The following STIMATE variants were observed in gnomAD, a reference collection of about 807,000 sequenced individuals.
STIMATE encodes the protein STIM activating enhancer, also known as store-operated calcium entry regulator STIMATE.
Under a neutral mutation model 36.7 loss-of-function variants are expected in STIMATE, and 15 were observed. That is an observed-to-expected ratio of 0.41 (90% CI 0.27 to 0.63). The LOEUF (loss-of-function observed/expected upper bound fraction) is 0.63, where lower values mean the gene tolerates loss of function less well. Ranked by LOEUF, STIMATE falls within the 20% of genes least tolerant of loss-of-function variation. The probability of loss-of-function intolerance (pLI) is 0.32; values close to 1 mark genes in which losing one functional copy is unlikely to be tolerated. For synonymous variants in STIMATE, 163 were observed against 162.3 expected, an observed-to-expected ratio of 1.00 and a Z score of -0.03; for missense variants, 305 against 397.3, an observed-to-expected ratio of 0.77 and a Z score of 1.98.
chr3:52,890,454 C>T (rs960306871), intron 1 of STIMATE, among the ~76,000 whole-genome samples: 10 of 152,212 alleles, frequency 6.6e-5, no homozygotes, highest in African/African-American at 1.9e-4. Context: ...TTGGCAATGT[C>T]GGGAGACATT....
At chr3:52,870,717 C>G (rs1305861903) in intron 1 of STIMATE, among the ~76,000 whole-genome samples, 1 of 152,142 alleles carries the variant, frequency 6.6e-6, no homozygotes, top group Non-Finnish European at 1.5e-5. Flanking sequence ...TCTTCTTCTC[C>G]CGCCTCACCA....
chr3:52,850,661 A>G (rs1700982371), intron 3 of STIMATE, among the ~76,000 whole-genome samples: 1 of 152,232 alleles, frequency 6.6e-6, no homozygotes, highest in Admixed American at 6.5e-5. Context: ...GGTTTCGCAG[A>G]CAAAGAGGAC....
rs1439980358 is a variant in STIMATE, at chr3:52,849,774, G to A, written c.427+18C>T. The A allele has an allele frequency of 6.2e-7, 1 of 1,608,200 alleles. No individual in the cohort carries two copies. The highest frequency in any genetic ancestry group is 8.5e-7 in the Non-Finnish European group (1 of 1,178,366). ...CAGCAGTTCCCTCACGCCCTGTCCG[G>A]CATCCACAGCATATTACCATATTCG... On this transcript the variant is annotated intron_variant, in intron 4 of 7. Transcript: ENST00000355083.
chr3:52,842,938 T>C lies in STIMATE; in HGVS notation c.641A>G (p.Asp214Gly). 6.2e-7 allele frequency: 1 copy of C among 1,614,152 alleles called. No homozygotes were observed. The highest frequency in any genetic ancestry group is 8.5e-7 in the Non-Finnish European group (1 of 1,180,036). Residue 214 changes from aspartate (D) to glycine (G), a missense_variant, in exon 7 of 8, where the codon GAC becomes GGC. Physicochemically the swap from Asp to Gly is moderately conservative, Grantham distance 94. This residue lies in a region of STIMATE where 164 missense variants were observed against 257.9 expected (regional missense o/e 0.64). Coordinates refer to ENST00000355083, the MANE Select transcript of STIMATE (RefSeq NM_198563.5). ...FVNALMFWVV[D>G]NFLMRKGKTK... ...CTTCCCCTTTCTCATGAGGAAATTGTCCACTACCCAAAACATCAAAGCCTG... is the reference window on the plus strand; with the variant it reads ...CTTCCCCTTTCTCATGAGGAAATTGCCCACTACCCAAAACATCAAAGCCTG...
At chr3:52,840,718 T>C in intron 7 of STIMATE, 108 bp from the exon 8 acceptor site, 1 of 920,442 alleles carries the variant, frequency 1.1e-6, no homozygotes, top group South Asian at 1.8e-5. Flanking sequence ...TTTTTTTTTT[T>C]GGACAGAGTC....
chr3:52,840,698 A>AT, intron 7 of STIMATE, 88 bp from the exon 8 acceptor site: 166 of 1,049,546 alleles, frequency 1.6e-4, no homozygotes, highest in Middle Eastern at 3.0e-4. Context: ...TTCAAGTCTC[A>AT]TGTTTTTTTT....
intron 1 of STIMATE, among the ~76,000 whole-genome samples, chr3:52,884,284 C>T (rs1701657474): frequency 6.7e-6 from 1 of 148,236 alleles, no homozygotes; most frequent in Non-Finnish European, 1.5e-5. Context: ...CTCACTCTGT[C>T]GCCCATGCTG....
At chr3:52,855,466 A>G (rs1369140038) in intron 1 of STIMATE, 22 bp from the exon 2 acceptor site, 15 of 1,614,034 alleles carry the variant, frequency 9.3e-6, no homozygotes, top group African/African-American at 1.3e-5. Flanking sequence ...GACAGACATC[A>G]GTAGTTTTCC....
intron 2 of STIMATE, among the ~76,000 whole-genome samples, chr3:52,853,235 C>G (rs547512237): frequency 6.6e-6 from 1 of 152,154 alleles, no homozygotes; most frequent in African/African-American, 2.4e-5. Context: ...TCAGCCCTGC[C>G]GCTAGAGAAT....
chr3:52,866,393 C>T (rs1472421861), intron 1 of STIMATE, among the ~76,000 whole-genome samples: 1 of 152,218 alleles, frequency 6.6e-6, no homozygotes, highest in African/African-American at 2.4e-5. Context: ...CCTGGCAGGG[C>T]TCCCAGTCCC....
chr3:52,845,587 G>T (rs1700880195), intron 4 of STIMATE, among the ~76,000 whole-genome samples: 1 of 152,188 alleles, frequency 6.6e-6, no homozygotes, highest in African/African-American at 2.4e-5. Flanking sequence ...CAAGGAGGTG[G>T]GAGGGATGGG....
At position 52,887,994 on chromosome 3, in the gene STIMATE, GTTTTTTT is replaced by G. The variant is rs71087029; in HGVS notation, c.160+9290_160+9296del. Among the ~76,000 whole-genome samples, 275 of 52,700 alleles carry G rather than the reference GTTTTTTT, an allele frequency of 5.2e-3. 4 individuals are homozygous for G. The highest frequency in any genetic ancestry group is 0.018 in the African/African-American group (261 of 14,280). The allele number at this position is 52,700 out of a possible 152,430, so 34.6% of individuals were successfully genotyped here. On this transcript the variant is annotated intron_variant, in intron 1 of 7. Transcript: ENST00000355083. ...GCTCTAACTTCATATAACAGAATCA[GTTTTTTT>G]TTTTTTTTTTTTTTTTTTTTGCCAG... is the stretch of plus-strand genomic sequence containing the variant.
At chr3:52,854,458 G>T (rs1295385805) in intron 2 of STIMATE, among the ~76,000 whole-genome samples, 1 of 152,234 alleles carries the variant, frequency 6.6e-6, no homozygotes, top group African/African-American at 2.4e-5. Flanking sequence ...TAAACAATGG[G>T]ATTTGGAGCG....
At chr3:52,852,492 A>C in intron 3 of STIMATE, 111 bp downstream of exon 3, 2 of 1,336,548 alleles carry the variant, frequency 1.5e-6, no homozygotes, top group South Asian at 1.3e-5. Flanking sequence ...GGAAAAGGGG[A>C]GCACCCTCTC....
At chr3:52,852,759 G>T in intron 2 of STIMATE, 61 bp from the exon 3 acceptor site, 1 of 1,591,532 alleles carries the variant, frequency 6.3e-7, no homozygotes, top group Non-Finnish European at 8.6e-7. Context: ...CCAATTTGAG[G>T]AAAACGAGAA....
intron 1 of STIMATE, among the ~76,000 whole-genome samples, chr3:52,864,775 A>G (rs1379272454): frequency 6.6e-6 from 1 of 152,180 alleles, no homozygotes; most frequent in African/African-American, 2.4e-5. Flanking sequence ...AAAGTTCCAC[A>G]GATCTCTAGG....
At chr3:52,866,930 A>C (rs1366626008) in intron 1 of STIMATE, among the ~76,000 whole-genome samples, 1 of 152,244 alleles carries the variant, frequency 6.6e-6, no homozygotes, top group Non-Finnish European at 1.5e-5. Context: ...GTGCAGCCCA[A>C]GAGATGCAGG....
rs1700759919 is a variant in STIMATE at position 52,839,494 on chromosome 3, C to T, written c.*1000G>A. The T allele has an allele frequency of 6.6e-6, 1 of 152,232 alleles. No homozygotes were observed. Among genetic ancestry groups the T allele is most frequent in the Admixed American group, 6.5e-5 (1 of 15,288 alleles). The allele number at this position is 152,232 out of a possible 1,614,324, so 9.4% of individuals were successfully genotyped here. A position where few individuals can be genotyped will look rare whatever the true frequency, so the allele number is the denominator to read the frequency against. The stretch of plus-strand genomic sequence containing the variant: ...GAAACAAAGACCTCTTAGCTAAGCT[C>T]CTTTCTTGGTCAAATTTAACTAAGA... On this transcript the variant is annotated 3_prime_UTR_variant, in exon 8 of 8. Transcript: ENST00000355083.
rs572964196 is a variant in STIMATE, at chr3:52,897,191, G to C, written c.160+100C>G. On this transcript the variant is annotated intron_variant, in intron 1 of 7. Coordinates refer to ENST00000355083, the MANE Select transcript of STIMATE (RefSeq NM_198563.5). Reference sequence around the variant, plus strand: ...GGTTTGCGGGGGAGGAGCAATTCGGGTCCCAAGGCCTGAACTCTCCGCGCA... The same window carrying C: ...GGTTTGCGGGGGAGGAGCAATTCGGCTCCCAAGGCCTGAACTCTCCGCGCA... The C allele has an allele frequency of 1.1e-4, 164 of 1,434,244 alleles. 3 individuals carry two copies. In the South Asian group the frequency reaches 1.9e-3, roughly 17 times the overall value. 88.8% of individuals were successfully genotyped at this position (1,434,244 alleles called of 1,614,324 possible).
Sources: allele counts gnomAD v4.1 joint callset (sites outside exome capture counted in the v4.1 genomes callset), GRCh38; gene constraint gnomAD v4.1.1; regional missense constraint gnomAD v4.1.1; transcripts MANE v1.5; gene names NCBI Gene and HGNC (gene_info 2026-07-23, HGNC 2026-07-21).